The following ESPL1 variants were observed in gnomAD, a reference collection of about 807,000 sequenced individuals.
ESPL1 encodes separin.
Under a neutral mutation model 217.2 loss-of-function variants are expected in ESPL1, and 50 were observed. That is an observed-to-expected ratio of 0.23 (90% CI 0.18 to 0.29). The LOEUF is 0.29. Among genes scored for constraint, ESPL1 ranks in the 10% least tolerant of loss-of-function variants. ESPL1 has a pLI of 1.00. For synonymous variants in ESPL1, 994 were observed against 1,081.3 expected, an observed-to-expected ratio of 0.92 and a Z score of 1.58; for missense variants, 1,834 against 2,603.0, an observed-to-expected ratio of 0.70 and a Z score of 6.43.
chr12:53,292,150 G>A lies in ESPL1; in HGVS notation c.5796+62G>A, dbSNP rs533786871. ...GACTGGGGAAGACGTCAACAAAGAAGGGCAGAGAAACCTGAGAAGATAGGA... is the reference window on the plus strand; with the variant it reads ...GACTGGGGAAGACGTCAACAAAGAAAGGCAGAGAAACCTGAGAAGATAGGA... On this transcript the variant is annotated intron_variant, in intron 27 of 30. Transcript: ENST00000257934. The surrounding 1 kb of genome is among the most constrained non-coding windows in gnomAD (Gnocchi z 4.5). The A allele has an allele frequency of 3.4e-5, 50 of 1,471,616 alleles. No homozygotes were observed. The Admixed American group carries it at 6.7e-4, about 20-fold the overall frequency. 91.2% of individuals were successfully genotyped at this position (1,471,616 alleles called of 1,614,324 possible). A position where few individuals can be genotyped will look rare whatever the true frequency, so the allele number is the denominator to read the frequency against.
intron 1 of ESPL1, 57 bp downstream of exon 1, chr12:53,268,434 A>T: frequency 6.5e-6 from 2 of 305,366 alleles, no homozygotes; most frequent in Non-Finnish European, 1.2e-5. Context: ...GGGGATCCCC[A>T]GCGCTGACGC....
Position 53,269,636 on chromosome 12 carries a change from T to C in ESPL1, c.694T>C (p.Leu232=), listed in dbSNP as rs1275519040. ...DLLSRHVIRA[L]VGERGSSSGL... is the part of the protein sequence containing the mutation. ...GCTCTCCAGGCACGTGATCAGAGCCTTGGTGGGTGAGAGAGGGAGCTCTTC... is the reference window on the plus strand; with the variant it reads ...GCTCTCCAGGCACGTGATCAGAGCCCTGGTGGGTGAGAGAGGGAGCTCTTC... The change falls in exon 3 of 31, where the codon TTG becomes CTG. Residue 232 remains leucine (L), a synonymous_variant. Transcript: ENST00000257934. The surrounding 1 kb of genome is among the most constrained non-coding windows in gnomAD (Gnocchi z 6.7). 2 of 1,614,212 alleles carry C rather than the reference T, an allele frequency of 1.2e-6. No individual in the cohort carries two copies. The highest frequency in any genetic ancestry group is 1.7e-6 in the Non-Finnish European group (2 of 1,180,038).
In ESPL1 at chr12:53,268,630, G is replaced by A. The variant is rs1017185907; in HGVS notation, c.-12-125G>A. On this transcript the variant is annotated intron_variant, in intron 1 of 30. Coordinates refer to ENST00000257934, the MANE Select transcript of ESPL1 (RefSeq NM_012291.5). Reference sequence around the variant, plus strand: ...TATAACGGGAGCACGGCGTCCTGGCGTGGGTTTTCTCCCCGATGAAATTTC... The same window carrying A: ...TATAACGGGAGCACGGCGTCCTGGCATGGGTTTTCTCCCCGATGAAATTTC... 32 of 619,190 alleles carry A rather than the reference G, an allele frequency of 5.2e-5. No individual in the cohort carries two copies. The Admixed American group carries it at 7.9e-4, about 15-fold the overall frequency. The allele number at this position is 619,190 out of a possible 1,614,324, so 38.4% of individuals were successfully genotyped here. A position where few individuals can be genotyped will look rare whatever the true frequency, so the allele number is the denominator to read the frequency against.
intron 24 of ESPL1, 38 bp from the exon 25 acceptor site, chr12:53,290,803 T>A: frequency 9.2e-7 from 1 of 1,088,050 alleles, no homozygotes; most frequent in South Asian, 2.0e-5. Flanking sequence ...AGAAGCTTGG[T>A]TTCCTCTCTG....
rs747729656 is a variant in ESPL1, at chr12:53,282,389, G to A, written c.2745G>A (p.Pro915=). Residue 915 remains proline, a synonymous_variant, in exon 14 of 31, where the codon CCG becomes CCA. Transcript: ENST00000257934. The surrounding 1 kb of genome is among the most constrained non-coding windows in gnomAD (Gnocchi z 4.0). ...LQLVAAYLSL[P]SNNLSHSLWE... ...TGGTGGCAGCTTACCTTAGCCTCCC[G>A]TCAAACAACCTCTCACACTCCCTGT... 3.0e-5 allele frequency: 48 copies of A among 1,614,010 alleles called. No homozygotes were observed. The highest frequency in any genetic ancestry group is 1.6e-4 in the Middle Eastern group (1 of 6,084).
In ESPL1 at chr12:53,277,086, T is replaced by C. The variant is rs748081906; in HGVS notation, c.1944T>C (p.Ser648=). ...YHDFTQQTNC[S]ALDAIREALQ... Reference sequence around the variant, plus strand: ...TAAGCACATCTTCTCCCTGCAGCTCTGCTCTGGATGCTATCCGGGAAGCCC... The same window carrying C: ...TAAGCACATCTTCTCCCTGCAGCTCCGCTCTGGATGCTATCCGGGAAGCCC... Residue 648 remains serine, a synonymous_variant, in exon 9 of 31, where the codon TCT becomes TCC. Transcript: ENST00000257934. 3 of 1,613,252 alleles carry C rather than the reference T, an allele frequency of 1.9e-6. No individual in the cohort carries two copies. In the South Asian group the frequency reaches 3.3e-5, roughly 18 times the overall value.
chr12:53,291,094 G>T, intron 25 of ESPL1, 98 bp downstream of exon 25: 1 of 1,070,224 alleles, frequency 9.3e-7, no homozygotes. Flanking sequence ...CTTGAGCTCA[G>T]GAGCTCGAGA....
chr12:53,283,283 C>T (rs745549343), intron 15 of ESPL1, 26 bp downstream of exon 15: 1 of 1,613,780 alleles, frequency 6.2e-7, no homozygotes, highest in Non-Finnish European at 8.5e-7. Context: ...ACAGCAGGGC[C>T]CTCTTGGAAT....
chr12:53,273,824 C>CTTGGTTTT (rs1943716990), intron 6 of ESPL1, among the ~76,000 whole-genome samples: 1 of 91,788 alleles, frequency 1.1e-5, no homozygotes, highest in African/African-American at 4.2e-5. Flanking sequence ...AACCTGGGTT[C>CTTGGTTTT]TTGGTTTTTT....
In ESPL1 at chr12:53,291,820, C is replaced by A. The variant is rs997046278; in HGVS notation, c.5651C>A (p.Thr1884Lys). 7 of 1,597,104 alleles carry A rather than the reference C, an allele frequency of 4.4e-6. No homozygotes were observed. Among genetic ancestry groups the A allele is most frequent in the Non-Finnish European group, 5.1e-6 (6 of 1,171,364 alleles). Residue 1884 changes from threonine to lysine, a missense_variant, in exon 26 of 31, where the codon ACA (threonine) becomes AAA (lysine). This residue lies in a region of ESPL1 where 295 missense variants were observed against 519.8 expected (regional missense o/e 0.57). Transcript: ENST00000257934. ...GCAGTAGGACGTCTACAGGGCCTGACAGTACCAAGCAATAGCCACCTTGTC... is the reference window on the plus strand; with the variant it reads ...GCAGTAGGACGTCTACAGGGCCTGAAAGTACCAAGCAATAGCCACCTTGTC... ...NEAVGRLQGL[T>K]VPSNSHLVLV...
At position 53,292,233 on chromosome 12, in the gene ESPL1, C is replaced by A; in HGVS notation, c.5797-45C>A. On this transcript the variant is annotated intron_variant, in intron 27 of 30. Transcript: ENST00000257934. The surrounding 1 kb of genome is among the most constrained non-coding windows in gnomAD (Gnocchi z 4.5). ...GGGCTGAGATTGTTAGAGCTTGGGCCTCTTGGTGAGACAAGCATCCTAATC... is the reference window on the plus strand; with the variant it reads ...GGGCTGAGATTGTTAGAGCTTGGGCATCTTGGTGAGACAAGCATCCTAATC... 6.6e-7 allele frequency: 1 copy of A among 1,505,330 alleles called. No homozygotes were observed. The highest frequency in any genetic ancestry group is 9.3e-7 in the Non-Finnish European group (1 of 1,081,054). 93.2% of individuals were successfully genotyped at this position (1,505,330 alleles called of 1,614,324 possible).
Position 53,270,793 on chromosome 12 carries a change from T to C in ESPL1, c.1364T>C (p.Met455Thr). ...SGQELTDHMG[M>T]TASYTSNLAY... ...CAAGAGCTGACGGACCACATGGGGA[T>C]GACCGGTTAGTGCCCTGGGTCCCAG... is the stretch of plus-strand genomic sequence containing the variant. The change falls in exon 5 of 31, where the codon ATG becomes ACG. Residue 455 changes from methionine (M) to threonine (T), a missense_variant. Physicochemically the swap from Met to Thr is moderately conservative, Grantham distance 81. Transcript: ENST00000257934. 2 of 1,614,162 alleles carry C rather than the reference T, an allele frequency of 1.2e-6. No individual in the cohort carries two copies. The highest frequency in any genetic ancestry group is 1.7e-6 in the Non-Finnish European group (2 of 1,180,002).
At chr12:53,276,186 C>G (rs1273619763) in intron 7 of ESPL1, among the ~76,000 whole-genome samples, 1 of 151,912 alleles carries the variant, frequency 6.6e-6, no homozygotes, top group Non-Finnish European at 1.5e-5. Context: ...CCAGCCTGGG[C>G]AACAGAGTGA....
chr12:53,284,377 C>T (rs1460262946), intron 17 of ESPL1, among the ~76,000 whole-genome samples: 2 of 152,122 alleles, frequency 1.3e-5, no homozygotes, highest in East Asian at 3.9e-4. Flanking sequence ...GCTTCAGCCT[C>T]CCAAGTAGCT....
Position 53,274,749 on chromosome 12 carries a change from A to G in ESPL1, c.1507-68A>G, listed in dbSNP as rs965586352. On this transcript the variant is annotated intron_variant, in intron 6 of 30. Coordinates refer to ENST00000257934, the MANE Select transcript of ESPL1 (RefSeq NM_012291.5). The stretch of plus-strand genomic sequence containing the variant: ...TGTGGTGTATGTACCTATTGCATGC[A>G]TATCCCCTTCCACCATACACACTCA... 6 of 1,342,736 alleles carry G rather than the reference A, an allele frequency of 4.5e-6. No individual in the cohort carries two copies. In the South Asian group the frequency reaches 4.9e-5, roughly 11 times the overall value. 83.2% of individuals were successfully genotyped at this position (1,342,736 alleles called of 1,614,324 possible).
Position 53,286,997 on chromosome 12 carries a change from C to T in ESPL1, c.4176+85C>T, listed in dbSNP as rs1943959679. The T allele has an allele frequency of 1.5e-6, 2 of 1,343,638 alleles. No individual in the cohort carries two copies. The highest frequency in any genetic ancestry group is 2.3e-5 in the Admixed American group (1 of 43,006). The allele number at this position is 1,343,638 out of a possible 1,614,324, so 83.2% of individuals were successfully genotyped here. A position where few individuals can be genotyped will look rare whatever the true frequency, so the allele number is the denominator to read the frequency against. On this transcript the variant is annotated intron_variant, in intron 18 of 30. Transcript: ENST00000257934. This position sits in a 1 kb window ranked among gnomAD's most constrained non-coding sequence, Gnocchi z 5.3. ...AGAGTGTTTTATAGAGCAGGTGTCC[C>T]TGTGGAATAGCTCCCCAGGGCCTAG... is the stretch of plus-strand genomic sequence containing the variant.
intron 5 of ESPL1, among the ~76,000 whole-genome samples, 190 bp downstream of exon 5, chr12:53,270,988 T>C (rs1943660146): frequency 6.6e-6 from 1 of 152,150 alleles, no homozygotes; most frequent in Admixed American, 6.5e-5. Flanking sequence ...GAAGCTAACT[T>C]ACAACAGCAG....
In ESPL1 at chr12:53,286,311, C is replaced by A. The variant is rs1345100035; in HGVS notation, c.3575C>A (p.Pro1192His). 6.2e-7 allele frequency: 1 copy of A among 1,614,182 alleles called. No homozygotes were observed. The highest frequency in any genetic ancestry group is 1.3e-5 in the African/African-American group (1 of 75,074). ...DLLQVVLKGC[P>H]EAAERLTQAL... ...CTGCAGGTCGTGCTGAAGGGCTGTC[C>A]TGAAGCCGCTGAGCGCCTCACCCAA... Residue 1192 changes from proline to histidine, a missense_variant, in exon 18 of 31, where the codon CCT (proline) becomes CAT (histidine). Around this residue, in one of 5 missense-constraint regions of ESPL1, gnomAD observed 681 missense variants for 808.0 expected, o/e 0.84. Transcript: ENST00000257934. This position sits in a 1 kb window ranked among gnomAD's most constrained non-coding sequence, Gnocchi z 5.3.
rs149892921 is a variant in ESPL1 at position 53,290,132 on chromosome 12, G to A, written c.5161G>A (p.Val1721Met). Reference protein sequence around the residue: ...LALATLQPGTVGNTLLLTRLE... With the variant: ...LALATLQPGTMGNTLLLTRLE... The stretch of plus-strand genomic sequence containing the variant: ...CCTGGCCACCCTCCAGCCCGGAACC[G>A]TGGGCAACACCCTCCTGCTGACCCG... Residue 1721 changes from valine to methionine, a missense_variant, in exon 23 of 31, where the codon GTG becomes ATG. Val to Met is a conservative substitution (Grantham distance 21). Around this residue, in one of 5 missense-constraint regions of ESPL1, gnomAD observed 295 missense variants for 519.8 expected, o/e 0.57. Transcript: ENST00000257934. 8.4e-5 allele frequency: 136 copies of A among 1,613,666 alleles called. No individual in the cohort carries two copies. The highest frequency in any genetic ancestry group is 1.7e-4 in the Middle Eastern group (1 of 5,774).
Sources: gnomAD v4.1 joint callset for allele counts (sites outside exome capture counted in the v4.1 genomes callset) on GRCh38, gnomAD v4.1.1 for gene constraint, gnomAD v4.1.1 regional missense constraint, Gnocchi (gnomAD v3.1) non-coding constraint, MANE v1.5 for transcripts, NCBI Gene and HGNC (gene_info 2026-07-23, HGNC 2026-07-21) for gene names.